DIAPH3: variants seen among roughly 807,000 people sequenced by gnomAD.
DIAPH3 encodes diaphanous related formin 3.
DIAPH3 carries 117 observed loss-of-function variants against 144.3 expected under a neutral mutation model. That is an observed-to-expected ratio of 0.81 (90% CI 0.70 to 0.95). DIAPH3 has a LOEUF of 0.95. DIAPH3 is among the 40% of genes least tolerant of loss of function. The pLI is 0.00. For missense variants in DIAPH3, 1,421 were observed against 1,412.7 expected (o/e 1.01, Z -0.09); for synonymous variants, 519 against 488.9 (o/e 1.06, Z -0.81).
At chr13:59,988,456 G>T (rs1039149349) in intron 12 of DIAPH3, among the ~76,000 whole-genome samples, 1 of 151,738 alleles carries the variant, frequency 6.6e-6, no homozygotes, top group African/African-American at 2.4e-5. Context: ...CATAATTTTA[G>T]TAAGTTTTTC....
chr13:60,049,840 G>A (rs1156488795), intron 4 of DIAPH3, among the ~76,000 whole-genome samples: 1 of 152,086 alleles, frequency 6.6e-6, no homozygotes, highest in South Asian at 2.1e-4. Context: ...TGAGTGATAG[G>A]GGAAATAGCT....
At chr13:60,156,817 T>C (rs911980784) in intron 1 of DIAPH3, among the ~76,000 whole-genome samples, 2 of 150,356 alleles carry the variant, frequency 1.3e-5, no homozygotes, top group Non-Finnish European at 3.0e-5. Context: ...CAGAAGTTGC[T>C]TAAATAAGTG....
intron 1 of DIAPH3, among the ~76,000 whole-genome samples, chr13:60,162,350 G>A (rs1952330527): frequency 6.6e-6 from 1 of 152,056 alleles, no homozygotes; most frequent in African/African-American, 2.4e-5. Flanking sequence ...AATAAAATAA[G>A]ATTATTAACC....
At chr13:59,677,543 G>A (rs899747493) in intron 27 of DIAPH3, among the ~76,000 whole-genome samples, 3 of 151,806 alleles carry the variant, frequency 2.0e-5, no homozygotes, top group South Asian at 4.2e-4. Flanking sequence ...TTTGTACTAA[G>A]CCTTCAAAAT....
chr13:60,110,857 T>C (rs1327985964), intron 3 of DIAPH3, among the ~76,000 whole-genome samples: 1 of 152,174 alleles, frequency 6.6e-6, no homozygotes, highest in East Asian at 1.9e-4. Flanking sequence ...CTAAATAATA[T>C]TAAAATATAT....
chr13:60,017,912 A>T (rs980232411), intron 5 of DIAPH3, among the ~76,000 whole-genome samples: 7 of 152,188 alleles, frequency 4.6e-5, no homozygotes, highest in Non-Finnish European at 7.3e-5. Context: ...CGACACACAG[A>T]TTATCTGTAG....
At chr13:59,758,953 A>ATTT (rs915956860) in intron 27 of DIAPH3, among the ~76,000 whole-genome samples, 14 of 130,140 alleles carry the variant, frequency 1.1e-4, no homozygotes, top group Admixed American at 2.4e-4. Context: ...CTAATTTTGA[A>ATTT]TTTTTTTTTT....
chr13:59,876,137 T>G (rs534754371), intron 21 of DIAPH3, among the ~76,000 whole-genome samples: 1 of 152,302 alleles, frequency 6.6e-6, no homozygotes, highest in East Asian at 1.9e-4. Flanking sequence ...GTCAAATATA[T>G]ATGGAATTCC....
chr13:59,890,649 T>C (rs1299531876), intron 20 of DIAPH3, among the ~76,000 whole-genome samples: 2 of 151,916 alleles, frequency 1.3e-5, no homozygotes, highest in Non-Finnish European at 2.9e-5. Flanking sequence ...ACTTAATTCA[T>C]CATATTCTTT....
chr13:60,006,407 A>C (rs577735939), intron 9 of DIAPH3, among the ~76,000 whole-genome samples: 1 of 152,294 alleles, frequency 6.6e-6, no homozygotes, highest in South Asian at 2.1e-4. Flanking sequence ...ATTTTCATAA[A>C]ACTTTTACTC....
rs573139112 is a variant in DIAPH3 at position 59,895,205 on chromosome 13, T to C, written c.2368-15737A>G. Reference sequence around the variant, plus strand: ...TTCCTAGATTTTCCTTGGACAAATATAGTAAATCAAATTATTTGGTAGTGG... The same window carrying C: ...TTCCTAGATTTTCCTTGGACAAATACAGTAAATCAAATTATTTGGTAGTGG... On this transcript the variant is annotated intron_variant, in intron 20 of 27. Transcript: ENST00000400324. 5.9e-5 allele frequency among the ~76,000 whole-genome samples: 9 copies of C among 152,216 alleles called. No homozygotes were observed. The South Asian group carries it at 1.5e-3, about 25-fold the overall frequency.
In DIAPH3 at chr13:59,970,971, G is replaced by A. The variant is rs200018583; in HGVS notation, c.1840C>T (p.Pro614Ser). 52 of 1,613,862 alleles carry A rather than the reference G, an allele frequency of 3.2e-5. No homozygotes were observed. Among genetic ancestry groups the A allele is most frequent in the Non-Finnish European group, 4.2e-5 (50 of 1,179,994 alleles). Residue 614 changes from proline to serine, a missense_variant, in exon 16 of 28, where the codon CCT (proline) becomes TCT (serine). Physicochemically the swap from Pro to Ser is moderately conservative, Grantham distance 74. Coordinates refer to ENST00000400324, the MANE Select transcript of DIAPH3 (RefSeq NM_001042517.2). ...TGTCCTCCAAGGAATCCCAGGGGAG[G>A]TGGTGGAGGCACAGGACCACTGAAT... ...MPFSGPVPPP[P>S]PLGFLGGQNS...
At chr13:60,154,796 G>C (rs1331521730) in intron 1 of DIAPH3, among the ~76,000 whole-genome samples, 1 of 152,112 alleles carries the variant, frequency 6.6e-6, no homozygotes, top group Non-Finnish European at 1.5e-5. Context: ...AGATCTAAAA[G>C]TCAAATTAGT....
chr13:60,056,447 T>C (rs116363549), intron 4 of DIAPH3, among the ~76,000 whole-genome samples: 316 of 151,914 alleles, frequency 2.1e-3, no homozygotes, highest in African/African-American at 7.0e-3. Context: ...CATGTACATA[T>C]ACACATATCA....
intron 27 of DIAPH3, among the ~76,000 whole-genome samples, chr13:59,748,590 AT>A (rs2036823452): frequency 6.6e-6 from 1 of 152,224 alleles, no homozygotes; most frequent in Non-Finnish European, 1.5e-5. Context: ...TGATTTTTCT[AT>A]TTGTAAACAC....
At chr13:59,956,692 C>G (rs548650942) in intron 17 of DIAPH3, among the ~76,000 whole-genome samples, 1 of 152,290 alleles carries the variant, frequency 6.6e-6, no homozygotes, top group Non-Finnish European at 1.5e-5. Flanking sequence ...GTCCTCCAGT[C>G]CCCAGAATGG....
At chr13:60,032,321 C>G (rs892361821) in intron 5 of DIAPH3, among the ~76,000 whole-genome samples, 2 of 152,218 alleles carry the variant, frequency 1.3e-5, no homozygotes, top group Admixed American at 1.3e-4. Context: ...GTGGTCCAAC[C>G]CCACATTTCC....
intron 27 of DIAPH3, among the ~76,000 whole-genome samples, chr13:59,746,279 G>C (rs151163396): frequency 4.6e-5 from 7 of 152,168 alleles, no homozygotes; most frequent in Middle Eastern, 3.4e-3. Flanking sequence ...CTAGAATGTA[G>C]TGATAACAAT....
chr13:60,155,433 T>C (rs993676634), intron 1 of DIAPH3, among the ~76,000 whole-genome samples: 2 of 152,216 alleles, frequency 1.3e-5, no homozygotes, highest in African/African-American at 2.4e-5. Flanking sequence ...TAATATATAT[T>C]GTTTCTTTTG....
Sources: gnomAD v4.1 joint callset for allele counts (sites outside exome capture counted in the v4.1 genomes callset) on GRCh38, gnomAD v4.1.1 for gene constraint, MANE v1.5 for transcripts, NCBI Gene and HGNC (gene_info 2026-07-23, HGNC 2026-07-21) for gene names.